The following ECHDC1 variants were observed in gnomAD, a reference collection of about 807,000 sequenced individuals.
ECHDC1 encodes ethylmalonyl-CoA decarboxylase 1.
A neutral mutation model predicts 29.7 loss-of-function variants in ECHDC1; 29 were observed. The observed-to-expected ratio is 0.98, with a 90% CI of 0.73 to 1.33. The LOEUF is 1.33. Among genes scored for constraint, ECHDC1 ranks in the 40% most tolerant of loss-of-function variants. The pLI, the probability that ECHDC1 is intolerant of heterozygous loss-of-function variation, is 0.00. For synonymous variants in ECHDC1, 126 were observed against 123.1 expected (o/e 1.02, Z -0.15); for missense variants, 328 against 350.0 (o/e 0.94, Z 0.50).
chr6:127,316,404 T>C, intron 4 of ECHDC1, 46 bp downstream of exon 4: 1 of 1,498,956 alleles, frequency 6.7e-7, no homozygotes, highest in South Asian at 1.2e-5. Flanking sequence ...CAAAAAGCTA[T>C]TTTTGGTCTT....
chr6:127,312,227 TAC>T (rs1782003259), intron 5 of ECHDC1, among the ~76,000 whole-genome samples: 2 of 152,122 alleles, frequency 1.3e-5, no homozygotes, highest in South Asian at 4.1e-4. Flanking sequence ...AAAAAACTCC[TAC>T]AGTTTAATAA....
chr6:127,333,908 T>C (rs796759201), intron 1 of ECHDC1, among the ~76,000 whole-genome samples: 7 of 152,312 alleles, frequency 4.6e-5, no homozygotes, highest in African/African-American at 1.7e-4. Flanking sequence ...TGTGGTTTCA[T>C]TTTGTGTTTC....
chr6:127,339,383 G>A (rs546512064), intron 1 of ECHDC1, among the ~76,000 whole-genome samples: 16 of 151,160 alleles, frequency 1.1e-4, no homozygotes, highest in Non-Finnish European at 2.2e-4. Flanking sequence ...GGAACTAAAT[G>A]ACACATAATG....
chr6:127,296,099 A>G (rs762646369), intron 5 of ECHDC1, among the ~76,000 whole-genome samples: 1 of 152,268 alleles, frequency 6.6e-6, no homozygotes, highest in Non-Finnish European at 1.5e-5. Flanking sequence ...GAACTTTTCT[A>G]TAACCTTGAT....
chr6:127,313,195 CA>C (rs1351787589), intron 5 of ECHDC1: 1 of 153,910 alleles, frequency 6.5e-6, no homozygotes, highest in African/African-American at 2.4e-5. Context: ...TGTAGCTCAA[CA>C]AATTTATTTA....
chr6:127,303,936 C>T (rs1781251273), intron 5 of ECHDC1, among the ~76,000 whole-genome samples: 1 of 152,178 alleles, frequency 6.6e-6, no homozygotes. Context: ...TCCCAGACAG[C>T]ACCTCTGGAC....
chr6:127,304,851 T>C (rs572303587), intron 5 of ECHDC1, among the ~76,000 whole-genome samples: 2 of 152,214 alleles, frequency 1.3e-5, no homozygotes, highest in East Asian at 1.9e-4. Flanking sequence ...AGACAGGCTA[T>C]TTGAAAATAT....
chr6:127,328,438 T>C (rs1316158184), intron 2 of ECHDC1, among the ~76,000 whole-genome samples: 1 of 152,228 alleles, frequency 6.6e-6, no homozygotes, highest in East Asian at 1.9e-4. Flanking sequence ...CTGTATCATA[T>C]GGTATAGGTG....
intron 5 of ECHDC1, among the ~76,000 whole-genome samples, chr6:127,295,799 A>G (rs1406767419): frequency 6.6e-6 from 1 of 152,232 alleles, no homozygotes; most frequent in East Asian, 1.9e-4. Context: ...ATGTGGATAA[A>G]GCCTTTTGCA....
chr6:127,327,943 G>T (rs1230645201), intron 2 of ECHDC1, among the ~76,000 whole-genome samples: 5 of 152,186 alleles, frequency 3.3e-5, no homozygotes, highest in Admixed American at 6.5e-5. Flanking sequence ...AACATGACTA[G>T]TTTTAATTTC....
intron 5 of ECHDC1, among the ~76,000 whole-genome samples, chr6:127,296,172 A>T (rs1308814050): frequency 1.3e-5 from 2 of 152,160 alleles, no homozygotes; most frequent in Non-Finnish European, 2.9e-5. Flanking sequence ...AGATTGATAG[A>T]TATGACTACT....
chr6:127,327,131 T>G lies in ECHDC1; in HGVS notation c.234A>C (p.Leu78=). ...RMNAFSGVMM[L]QLLEKVIELE... is the part of the protein sequence containing the mutation. ...ATTCAATTACTTTTTCCAGAAGTTG[T>G]AGCATCATAACACCTGCCAGAGATG... Residue 78 remains leucine (L), a synonymous_variant, in exon 3 of 6, where the codon CTA becomes CTC. Transcript: ENST00000454859. 6.2e-7 allele frequency: 1 copy of G among 1,613,794 alleles called. No individual in the cohort carries two copies. The highest frequency in any genetic ancestry group is 8.5e-7 in the Non-Finnish European group (1 of 1,179,868).
At chr6:127,324,367 C>A (rs966539801) in intron 3 of ECHDC1, among the ~76,000 whole-genome samples, 6 of 152,038 alleles carry the variant, frequency 3.9e-5, no homozygotes, top group Non-Finnish European at 7.4e-5. Flanking sequence ...TTTTATATAT[C>A]CCATGGAGCT....
At chr6:127,333,037 C>A (rs545274552) in intron 1 of ECHDC1, among the ~76,000 whole-genome samples, 31 of 152,310 alleles carry the variant, frequency 2.0e-4, no homozygotes, top group South Asian at 1.0e-3. Context: ...AAGTGATCCA[C>A]CCACCTTGGC....
chr6:127,293,358 T>TA (rs1006735366), intron 5 of ECHDC1, among the ~76,000 whole-genome samples: 3 of 152,170 alleles, frequency 2.0e-5, no homozygotes, highest in Admixed American at 6.5e-5. Flanking sequence ...GAAATATAAA[T>TA]AATTGAATTG....
At chr6:127,340,020 T>C (rs1784785553) in intron 1 of ECHDC1, among the ~76,000 whole-genome samples, 1 of 152,186 alleles carries the variant, frequency 6.6e-6, no homozygotes, top group Non-Finnish European at 1.5e-5. Context: ...CTGGTTTTAT[T>C]CATATTTACA....
At chr6:127,325,602 T>G (rs1444585042) in intron 3 of ECHDC1, among the ~76,000 whole-genome samples, 1 of 152,056 alleles carries the variant, frequency 6.6e-6, no homozygotes, top group East Asian at 1.9e-4. Flanking sequence ...TTATTATTAT[T>G]AACTTTGTGT....
chr6:127,313,295 C>A, intron 5 of ECHDC1: 1 of 193,164 alleles, frequency 5.2e-6, no homozygotes, highest in Non-Finnish European at 1.1e-5. Context: ...CCTCCACCTC[C>A]CAGGTTCAAG....
chr6:127,340,220 T>TA (rs1395615082), intron 1 of ECHDC1, among the ~76,000 whole-genome samples: 1 of 152,250 alleles, frequency 6.6e-6, no homozygotes, highest in African/African-American at 2.4e-5. Context: ...ACAAGACTGT[T>TA]AGGTGTGAGT....
Sources: gnomAD v4.1 joint callset for allele counts (sites outside exome capture counted in the v4.1 genomes callset) on GRCh38, gnomAD v4.1.1 for gene constraint, MANE v1.5 for transcripts, NCBI Gene and HGNC (gene_info 2026-07-23, HGNC 2026-07-21) for gene names.